Variants in RHOU observed in about 807,000 individuals in gnomAD.
The protein encoded by RHOU is rho-related GTP-binding protein RhoU.
Under a neutral mutation model 12.6 loss-of-function variants are expected in RHOU, and 8 were observed. The ratio of observed to expected loss-of-function variants is 0.64; its 90% confidence interval spans 0.37 to 1.15. RHOU has a LOEUF of 1.15. Among genes scored for constraint, RHOU ranks in the 50% most tolerant of loss-of-function variants. The pLI, the probability that RHOU is intolerant of heterozygous loss-of-function variation, is 0.01. For missense variants in RHOU, 258 were observed against 347.0 expected (o/e 0.74, Z 2.04); for synonymous variants, 161 against 147.4 (o/e 1.09, Z -0.67).
upstream of RHOU, among the ~76,000 whole-genome samples, chr1:228,733,244 GACA>G (rs1662528453): frequency 6.6e-6 from 1 of 152,212 alleles, no homozygotes; most frequent in Non-Finnish European, 1.5e-5. Context: ...TCTGACAGCA[GACA>G]ACTTCTGTTT....
At chr1:228,694,517 C>A in the RHOU span, among the ~76,000 whole-genome samples, 2 of 152,130 alleles carry the variant, frequency 1.3e-5, no homozygotes, top group African/African-American at 4.8e-5. Context: ...GTTGTTCCCC[C>A]ACAGGAGTCC....
the RHOU span, among the ~76,000 whole-genome samples, chr1:228,661,770 C>T: frequency 6.6e-6 from 1 of 152,138 alleles, no homozygotes; most frequent in African/African-American, 2.4e-5. Context: ...TAGGCATGGG[C>T]AAGGACGTCA....
the RHOU span, among the ~76,000 whole-genome samples, chr1:228,681,107 A>G: frequency 6.6e-6 from 1 of 152,158 alleles, no homozygotes; most frequent in Non-Finnish European, 1.5e-5. Context: ...ATTCCTGTAT[A>G]TATTTATTGG....
At chr1:228,735,083 C>G (rs1328926713), upstream of RHOU, 2 of 152,236 alleles carry the variant, frequency 1.3e-5, no homozygotes, top group Non-Finnish European at 2.9e-5. This position sits in a 1 kb window ranked among gnomAD's most constrained non-coding sequence, Gnocchi z 8.1. Flanking sequence ...CCGGGGGCTC[C>G]ACGGAGTGAA....
chr1:228,708,324 C>T, the RHOU span, among the ~76,000 whole-genome samples: 7 of 151,688 alleles, frequency 4.6e-5, no homozygotes, highest in Non-Finnish European at 1.0e-4. Context: ...AAAGATACTC[C>T]TCGAGAAGAG....
chr1:228,674,272 T>A, the RHOU span, among the ~76,000 whole-genome samples: 1 of 152,272 alleles, frequency 6.6e-6, no homozygotes, highest in African/African-American at 2.4e-5. Context: ...CATTTAGTTC[T>A]CTTAATGCAA....
At chr1:228,699,483 G>A in the RHOU span, among the ~76,000 whole-genome samples, 10 of 138,800 alleles carry the variant, frequency 7.2e-5, no homozygotes, top group Non-Finnish European at 7.6e-5. Context: ...AAAGCCTGTA[G>A]CATTTAGTCA....
the RHOU span, among the ~76,000 whole-genome samples, chr1:228,710,610 AC>A: frequency 3.3e-5 from 5 of 152,110 alleles, no homozygotes; most frequent in African/African-American, 1.2e-4. Context: ...AAATTCAACA[AC>A]CCTTCATGCT....
chr1:228,743,554 C>A lies in RHOU; in HGVS notation c.591C>A (p.Ala197=). The A allele has an allele frequency of 6.2e-7, 1 of 1,614,144 alleles. No homozygotes were observed. Among genetic ancestry groups the A allele is most frequent in the East Asian group, 2.2e-5 (1 of 44,884 alleles). ...AAKLCAEEIK[A]ASYIECSALT... is the part of the protein sequence containing the mutation. The stretch of plus-strand genomic sequence containing the variant: ...AGCTGTGCGCCGAGGAAATCAAAGC[C>A]GCCTCCTACATCGAGTGTTCAGCCT... The change falls in exon 3 of 3, where the codon GCC becomes GCA. Residue 197 remains alanine, a synonymous_variant. Coordinates refer to ENST00000366691, the MANE Select transcript of RHOU (RefSeq NM_021205.6). This position sits in a 1 kb window ranked among gnomAD's most constrained non-coding sequence, Gnocchi z 5.1.
chr1:228,739,038 T>C (rs1662669151), intron 2 of RHOU, among the ~76,000 whole-genome samples: 1 of 152,032 alleles, frequency 6.6e-6, no homozygotes, highest in Admixed American at 6.6e-5. Flanking sequence ...AGAGGATCGC[T>C]TGAACCCAGG....
the RHOU span, among the ~76,000 whole-genome samples, chr1:228,684,444 G>A: frequency 3.4e-5 from 5 of 149,046 alleles, no homozygotes; most frequent in Non-Finnish European, 7.4e-5. Context: ...TCCTTCCACC[G>A]CAGCCCCCTG....
the RHOU span, among the ~76,000 whole-genome samples, chr1:228,647,431 G>A: frequency 6.6e-6 from 1 of 152,184 alleles, no homozygotes; most frequent in Non-Finnish European, 1.5e-5. Context: ...CACGAAGTGC[G>A]GGGCAATAGG....
chr1:228,725,816 A>G, the RHOU span, among the ~76,000 whole-genome samples: 1 of 152,230 alleles, frequency 6.6e-6, no homozygotes, highest in Non-Finnish European at 1.5e-5. Flanking sequence ...TGATTGTTTA[A>G]CGAGTCTTGG....
intron 2 of RHOU, among the ~76,000 whole-genome samples, chr1:228,741,198 C>T (rs1320857915): frequency 6.6e-6 from 1 of 152,196 alleles, no homozygotes; most frequent in Non-Finnish European, 1.5e-5. Context: ...GTCCGTACCA[C>T]AGACCTGGCA....
At chr1:228,697,213 G>A in the RHOU span, among the ~76,000 whole-genome samples, 1 of 152,196 alleles carries the variant, frequency 6.6e-6, no homozygotes, top group Non-Finnish European at 1.5e-5. Context: ...ACACAGAGAT[G>A]TGTCAAAACT....
chr1:228,687,613 A>C, the RHOU span: 1 of 1,567,712 alleles, frequency 6.4e-7, no homozygotes. Context: ...AGTGTGAATC[A>C]GTCACTACTG....
At chr1:228,707,218 CATATATATAT>C in the RHOU span, among the ~76,000 whole-genome samples, 4 of 53,426 alleles carry the variant, frequency 7.5e-5, no homozygotes, top group Admixed American at 6.9e-4. Context: ...TATATATATA[CATATATATAT>C]ACATATGTAT....
chr1:228,689,840 G>GA, the RHOU span, among the ~76,000 whole-genome samples: 1 of 151,912 alleles, frequency 6.6e-6, no homozygotes, highest in Admixed American at 6.6e-5. Flanking sequence ...TGTCTTCCAC[G>GA]AAACTGGTCC....
At chr1:228,696,851 G>A in the RHOU span, among the ~76,000 whole-genome samples, 3 of 152,118 alleles carry the variant, frequency 2.0e-5, no homozygotes, top group African/African-American at 4.8e-5. Flanking sequence ...CTGGTCATGG[G>A]TATATCTTTG....
Sources: allele counts gnomAD v4.1 joint callset (sites outside exome capture counted in the v4.1 genomes callset), GRCh38; gene constraint gnomAD v4.1.1; non-coding constraint Gnocchi (gnomAD v3.1); transcripts MANE v1.5; gene names NCBI Gene and HGNC (gene_info 2026-07-23, HGNC 2026-07-21).